Variants in NAV2 observed in about 807,000 individuals in gnomAD.
NAV2 encodes helicase, APC down-regulated 1.
A neutral mutation model predicts 223.2 loss-of-function variants in NAV2; 54 were observed. The observed-to-expected ratio is 0.24, with a 90% CI of 0.19 to 0.30. NAV2 has a LOEUF of 0.30. Among genes scored for constraint, NAV2 ranks in the 10% least tolerant of loss-of-function variants. The pLI, the probability that NAV2 is intolerant of heterozygous loss-of-function variation, is 1.00. For missense variants in NAV2, 2,806 were observed against 3,147.5 expected (o/e 0.89, Z 2.60); for synonymous variants, 1,279 against 1,239.3 (o/e 1.03, Z -0.67).
At chr11:19,570,781 A>G (rs185841232) in intron 1 of NAV2, among the ~76,000 whole-genome samples, 1 of 152,360 alleles carries the variant, frequency 6.6e-6, no homozygotes, top group East Asian at 1.9e-4. Context: ...AAAAAATTGA[A>G]AATAACAAGT....
At chr11:19,468,938 C>A (rs1029397915) in intron 1 of NAV2, among the ~76,000 whole-genome samples, 7 of 152,068 alleles carry the variant, frequency 4.6e-5, no homozygotes, top group Non-Finnish European at 8.8e-5. Flanking sequence ...AGGTTTGAGT[C>A]CCTGTGGAGC....
rs528449975 is a variant in NAV2, at chr11:19,364,732, T to G, written c.75+13705T>G. 4.1e-3 allele frequency among the ~76,000 whole-genome samples: 627 copies of G among 152,342 alleles called. 4 individuals carry two copies. Among genetic ancestry groups the G allele is most frequent in the Non-Finnish European group, 6.0e-3 (406 of 68,026 alleles). Reference sequence around the variant, plus strand: ...CCACGGTAGCAGTACAACAGCCACATTCACACATGAACATCCAGTTCTCCA... The same window carrying G: ...CCACGGTAGCAGTACAACAGCCACAGTCACACATGAACATCCAGTTCTCCA... On this transcript the variant is annotated intron_variant, in intron 1 of 37. Transcript: ENST00000360655.
intron 3 of NAV2, among the ~76,000 whole-genome samples, chr11:19,867,532 C>T (rs2585788): frequency 0.21 from 31,433 of 152,214 alleles, 3,672 homozygotes; most frequent in South Asian, 0.41. Flanking sequence ...AAAGGACTTT[C>T]TGCAATGATG....
At chr11:19,372,572 C>T (rs1054247696) in intron 1 of NAV2, among the ~76,000 whole-genome samples, 3 of 152,182 alleles carry the variant, frequency 2.0e-5, no homozygotes, top group Admixed American at 1.3e-4. Flanking sequence ...GGGGTGCTTG[C>T]AGAGGGGAGC....
intron 1 of NAV2, among the ~76,000 whole-genome samples, chr11:19,560,085 A>G (rs2045043989): frequency 6.6e-6 from 1 of 152,174 alleles, no homozygotes; most frequent in Non-Finnish European, 1.5e-5. Context: ...TTTCCAAGTT[A>G]TGACTTTCTA....
At chr11:19,468,936 G>A (rs530645125) in intron 1 of NAV2, among the ~76,000 whole-genome samples, 1 of 152,280 alleles carries the variant, frequency 6.6e-6, no homozygotes, top group South Asian at 2.1e-4. Flanking sequence ...TGAGGTTTGA[G>A]TCCCTGTGGA....
At chr11:19,671,167 A>T (rs2048563027) in intron 1 of NAV2, among the ~76,000 whole-genome samples, 2 of 152,176 alleles carry the variant, frequency 1.3e-5, no homozygotes, top group African/African-American at 4.8e-5. Flanking sequence ...TCTCTGATCT[A>T]GTTCTTGAGA....
chr11:19,448,638 A>G (rs1342743144), intron 1 of NAV2, among the ~76,000 whole-genome samples: 2 of 152,264 alleles, frequency 1.3e-5, no homozygotes, highest in Non-Finnish European at 2.9e-5. Context: ...TGTGAACTTG[A>G]GTTAAGTTCC....
At chr11:19,438,215 A>G (rs998687004) in intron 1 of NAV2, among the ~76,000 whole-genome samples, 2 of 152,182 alleles carry the variant, frequency 1.3e-5, no homozygotes, top group East Asian at 3.9e-4. Flanking sequence ...GGTACTCTCC[A>G]TGGACTGTCT....
chr11:20,027,123 C>A (rs2055163309), intron 11 of NAV2: 2 of 272,946 alleles, frequency 7.3e-6, no homozygotes, highest in Admixed American at 6.5e-5. Context: ...TCTTAACAGG[C>A]CCCAGCAATA....
intron 11 of NAV2, among the ~76,000 whole-genome samples, chr11:20,026,143 C>T (rs1345204824): frequency 6.6e-6 from 1 of 152,090 alleles, no homozygotes. Context: ...ATTAGTGGTA[C>T]TAGATGAGAC....
chr11:19,863,014 C>T (rs955344492), intron 3 of NAV2, among the ~76,000 whole-genome samples: 2 of 152,014 alleles, frequency 1.3e-5, no homozygotes, highest in Admixed American at 6.6e-5. Flanking sequence ...TACATGTGAC[C>T]ACAAATGTTG....
At chr11:19,608,147 T>A (rs1765936062) in intron 1 of NAV2, among the ~76,000 whole-genome samples, 1 of 152,220 alleles carries the variant, frequency 6.6e-6, no homozygotes, top group Non-Finnish European at 1.5e-5. Context: ...ACGCTCTGCA[T>A]TCCAGCAGAG....
At chr11:20,021,335 A>C in intron 11 of NAV2, among the ~76,000 whole-genome samples, 1 of 152,220 alleles carries the variant, frequency 6.6e-6, no homozygotes, top group African/African-American at 2.4e-5. Flanking sequence ...TGAATGAATA[A>C]ATGAATACAT....
intron 26 of NAV2, 94 bp from the exon 27 acceptor site, chr11:20,090,771 T>C: frequency 7.4e-7 from 1 of 1,352,450 alleles, no homozygotes; most frequent in East Asian, 2.5e-5. Flanking sequence ...TTATTCACAG[T>C]TACTGCTAAA....
At chr11:19,481,968 A>T (rs1041621863) in intron 1 of NAV2, among the ~76,000 whole-genome samples, 1 of 152,222 alleles carries the variant, frequency 6.6e-6, no homozygotes, top group East Asian at 1.9e-4. Flanking sequence ...ATGCCCCTTC[A>T]TGTTACTTTC....
chr11:19,911,703 A>G (rs1591199744), intron 6 of NAV2, among the ~76,000 whole-genome samples: 1 of 151,900 alleles, frequency 6.6e-6, no homozygotes, highest in Non-Finnish European at 1.5e-5. Context: ...TAGAATGCCT[A>G]CCCAAGCCAG....
At chr11:19,726,035 C>T (rs1004000267) in intron 1 of NAV2, among the ~76,000 whole-genome samples, 2 of 152,136 alleles carry the variant, frequency 1.3e-5, no homozygotes, top group Admixed American at 6.5e-5. Context: ...AGGCCCTCGC[C>T]GTTCTGCGGT....
chr11:19,463,816 G>T (rs948349665), intron 1 of NAV2, among the ~76,000 whole-genome samples: 3 of 152,160 alleles, frequency 2.0e-5, no homozygotes, highest in Non-Finnish European at 4.4e-5. Flanking sequence ...GACAGAGTGT[G>T]GGGGCAGGGG....
Sources: gnomAD v4.1 joint callset for allele counts (sites outside exome capture counted in the v4.1 genomes callset) on GRCh38, gnomAD v4.1.1 for gene constraint, MANE v1.5 for transcripts, NCBI Gene and HGNC (gene_info 2026-07-23, HGNC 2026-07-21) for gene names.